C1orf21: variants seen among roughly 807,000 people sequenced by gnomAD.
C1orf21 encodes the protein chromosome 1 open reading frame 21.
A neutral mutation model predicts 18.7 loss-of-function variants in C1orf21; 3 were observed. The ratio of observed to expected loss-of-function variants is 0.16; its 90% confidence interval spans 0.07 to 0.42. The LOEUF (loss-of-function observed/expected upper bound fraction) is 0.42, where lower values mean the gene tolerates loss of function less well. Among genes scored for constraint, C1orf21 ranks in the 10% least tolerant of loss-of-function variants. The probability of loss-of-function intolerance (pLI) is 0.99; values close to 1 mark genes in which losing one functional copy is unlikely to be tolerated. For synonymous variants in C1orf21, 41 were observed against 46.4 expected, an observed-to-expected ratio of 0.88 and a Z score of 0.47; for missense variants, 104 against 143.6, an observed-to-expected ratio of 0.72 and a Z score of 1.41.
intron 2 of C1orf21, among the ~76,000 whole-genome samples, chr1:184,489,046 T>C (rs1275546994): frequency 6.6e-6 from 1 of 152,182 alleles, no homozygotes; most frequent in East Asian, 1.9e-4. Flanking sequence ...TTGCAAAATG[T>C]CTTTCTCTTA....
intron 2 of C1orf21, among the ~76,000 whole-genome samples, chr1:184,504,785 G>A (rs1355193537): frequency 1.3e-5 from 2 of 152,094 alleles, no homozygotes; most frequent in Non-Finnish European, 2.9e-5. Context: ...CTTTGTAGTC[G>A]TGGCTGTTTG....
intron 1 of C1orf21, among the ~76,000 whole-genome samples, chr1:184,420,527 T>A (rs1200052200): frequency 6.6e-6 from 1 of 152,160 alleles, no homozygotes; most frequent in African/African-American, 2.4e-5. Context: ...AAGAAAGACA[T>A]CATTGCTAAG....
rs947874485 is a variant in C1orf21 at position 184,621,291 on chromosome 1, C to A, written c.*1735C>A. On this transcript the variant is annotated 3_prime_UTR_variant, in exon 6 of 6. Transcript: ENST00000235307. ...ATATTAGCAACAAAATCCCGTAATT[C>A]TTTTGGCCAACAGCAGCTATTTTGG... 1 of 152,606 alleles carries A rather than the reference C, an allele frequency of 6.6e-6. No homozygotes were observed. The highest frequency in any genetic ancestry group is 1.5e-5 in the Non-Finnish European group (1 of 68,030). The allele number at this position is 152,606 out of a possible 1,614,324, so 9.5% of individuals were successfully genotyped here.
intron 1 of C1orf21, among the ~76,000 whole-genome samples, chr1:184,438,614 T>A (rs1005632750): frequency 5.3e-5 from 8 of 152,184 alleles, no homozygotes; most frequent in African/African-American, 1.9e-4. Flanking sequence ...AGTGTGTTGT[T>A]ACAGGACAGA....
chr1:184,388,194 T>C (rs755880174), intron 1 of C1orf21, among the ~76,000 whole-genome samples: 1 of 152,194 alleles, frequency 6.6e-6, no homozygotes, highest in African/African-American at 2.4e-5. Flanking sequence ...AGAGAAGTCC[T>C]GGGCTTAAGG....
chr1:184,410,083 CT>C (rs1656308322), intron 1 of C1orf21, among the ~76,000 whole-genome samples: 1 of 152,062 alleles, frequency 6.6e-6, no homozygotes, highest in African/African-American at 2.4e-5. Flanking sequence ...AGTAAATATA[CT>C]GTAAGGTTCT....
intron 1 of C1orf21, among the ~76,000 whole-genome samples, chr1:184,440,027 T>C (rs1208532606): frequency 2.0e-5 from 3 of 152,196 alleles, no homozygotes; most frequent in African/African-American, 7.2e-5. Context: ...TTCTACTTTC[T>C]GAGTTCTGAT....
At chr1:184,617,697 A>T (rs1424280579) in intron 5 of C1orf21, among the ~76,000 whole-genome samples, 2 of 152,174 alleles carry the variant, frequency 1.3e-5, no homozygotes, top group Non-Finnish European at 2.9e-5. Context: ...CAAGTAAAAC[A>T]AGCCTAGAGA....
intron 1 of C1orf21, among the ~76,000 whole-genome samples, chr1:184,401,286 T>C (rs976682148): frequency 2.6e-5 from 4 of 152,188 alleles, no homozygotes; most frequent in African/African-American, 2.4e-5. Flanking sequence ...AGTGGCACCA[T>C]CTCGGCTCAC....
At chr1:184,487,367 G>T (rs544080261) in intron 2 of C1orf21, among the ~76,000 whole-genome samples, 6 of 152,316 alleles carry the variant, frequency 3.9e-5, no homozygotes, top group African/African-American at 1.2e-4. Context: ...TTACAACTTG[G>T]ATTTGTGCTT....
At chr1:184,481,245 C>T (rs1348008400) in intron 2 of C1orf21, among the ~76,000 whole-genome samples, 1 of 152,204 alleles carries the variant, frequency 6.6e-6, no homozygotes, top group African/African-American at 2.4e-5. Flanking sequence ...TCGCATTCCA[C>T]AGTAACTGTT....
intron 3 of C1orf21, among the ~76,000 whole-genome samples, chr1:184,549,152 T>C (rs1571410099): frequency 6.6e-6 from 1 of 152,166 alleles, no homozygotes; most frequent in East Asian, 1.9e-4. Flanking sequence ...TGGGCTCAAG[T>C]CCTGCTCAGT....
intron 1 of C1orf21, among the ~76,000 whole-genome samples, chr1:184,404,089 AT>A (rs1193846912): frequency 6.6e-6 from 1 of 152,212 alleles, no homozygotes. Flanking sequence ...CCCATGAAGA[AT>A]TAGATATGGT....
At chr1:184,499,392 G>T (rs1428215323) in intron 2 of C1orf21, among the ~76,000 whole-genome samples, 1 of 152,034 alleles carries the variant, frequency 6.6e-6, no homozygotes, top group Non-Finnish European at 1.5e-5. Flanking sequence ...TCATTTTAAC[G>T]CAAGATTTCA....
chr1:184,413,736 TGAA>T (rs1474976832), intron 1 of C1orf21, among the ~76,000 whole-genome samples: 1 of 152,180 alleles, frequency 6.6e-6, no homozygotes, highest in African/African-American at 2.4e-5. Flanking sequence ...TGGAGCCTTG[TGAA>T]GAAGTGTCTC....
At chr1:184,607,568 A>G (rs1276225014) in intron 5 of C1orf21, among the ~76,000 whole-genome samples, 1 of 152,054 alleles carries the variant, frequency 6.6e-6, no homozygotes, top group African/African-American at 2.4e-5. Context: ...GTGCAATATT[A>G]TGCAGCAGTT....
At chr1:184,498,181 C>T (rs529045097) in intron 2 of C1orf21, among the ~76,000 whole-genome samples, 1 of 152,330 alleles carries the variant, frequency 6.6e-6, no homozygotes, top group East Asian at 1.9e-4. Context: ...AAAGGCAGCT[C>T]TCCTCCACCA....
intron 1 of C1orf21, among the ~76,000 whole-genome samples, chr1:184,392,045 T>G (rs1655977967): frequency 6.6e-6 from 1 of 152,130 alleles, no homozygotes. Flanking sequence ...AGCATCTTGA[T>G]TTGGAATAGA....
At chr1:184,570,540 T>A (rs1250379518) in intron 3 of C1orf21, among the ~76,000 whole-genome samples, 1 of 152,216 alleles carries the variant, frequency 6.6e-6, no homozygotes, top group African/African-American at 2.4e-5. Context: ...TTAAATGGAT[T>A]CTGATAAGAT....
Sources: gnomAD v4.1 joint callset for allele counts (sites outside exome capture counted in the v4.1 genomes callset) on GRCh38, gnomAD v4.1.1 for gene constraint, MANE v1.5 for transcripts, NCBI Gene and HGNC (gene_info 2026-07-23, HGNC 2026-07-21) for gene names.